CCSER1: variants seen among roughly 807,000 people sequenced by gnomAD.
CCSER1 encodes the protein serine-rich coiled-coil domain-containing protein 1.
In CCSER1, 41 loss-of-function variants were observed where a neutral mutation model predicts 82.0. The observed-to-expected ratio is 0.50, with a 90% CI of 0.39 to 0.65. CCSER1 has a LOEUF of 0.65. Among genes scored for constraint, CCSER1 ranks in the 30% least tolerant of loss-of-function variants. CCSER1 has a pLI of 0.00. For synonymous variants in CCSER1, 414 were observed against 383.9 expected (o/e 1.08, Z -0.92); for missense variants, 1,119 against 1,064.2 (o/e 1.05, Z -0.72).
chr4:90,909,753 T>G (rs1453139082), intron 8 of CCSER1, among the ~76,000 whole-genome samples: 1 of 152,180 alleles, frequency 6.6e-6, no homozygotes, highest in African/African-American at 2.4e-5. Flanking sequence ...AAGAAATGGA[T>G]TAGCCTGTCT....
At chr4:90,665,028 T>A (rs1731470464) in intron 6 of CCSER1, among the ~76,000 whole-genome samples, 1 of 152,222 alleles carries the variant, frequency 6.6e-6, no homozygotes, top group South Asian at 2.1e-4. Flanking sequence ...CATTTAATCC[T>A]GAAAAATTCA....
chr4:91,070,348 TC>T (rs1268881626), intron 9 of CCSER1, among the ~76,000 whole-genome samples: 1 of 152,202 alleles, frequency 6.6e-6, no homozygotes, highest in African/African-American at 2.4e-5. Context: ...TTCTAATCCA[TC>T]CTCTTTATTT....
At chr4:90,601,486 C>T (rs116612888) in intron 5 of CCSER1, among the ~76,000 whole-genome samples, 2,073 of 152,226 alleles carry the variant, frequency 0.014, 54 homozygotes, top group African/African-American at 0.048. Flanking sequence ...TTTGATTAAT[C>T]CTCTCTGAGA....
intron 1 of CCSER1, among the ~76,000 whole-genome samples, chr4:90,214,164 A>G (rs903318197): frequency 4.6e-5 from 7 of 152,166 alleles, no homozygotes; most frequent in African/African-American, 1.7e-4. Context: ...CAAATATGGG[A>G]GAGCTGGCCT....
At chr4:90,624,049 G>T (rs1722853602) in intron 5 of CCSER1, among the ~76,000 whole-genome samples, 2 of 152,198 alleles carry the variant, frequency 1.3e-5, no homozygotes, top group African/African-American at 2.4e-5. Flanking sequence ...ACTTAATGAA[G>T]CTTTGGAAGG....
At chr4:90,753,872 A>G (rs945342833) in intron 7 of CCSER1, among the ~76,000 whole-genome samples, 1 of 152,122 alleles carries the variant, frequency 6.6e-6, no homozygotes, top group East Asian at 1.9e-4. Flanking sequence ...GCTGGCCTTC[A>G]TGTTGTTCCT....
chr4:90,965,643 T>A (rs1734491333), intron 9 of CCSER1, among the ~76,000 whole-genome samples: 1 of 152,018 alleles, frequency 6.6e-6, no homozygotes, highest in Non-Finnish European at 1.5e-5. Context: ...AATATTTCAT[T>A]AAAAAAAGAT....
At chr4:91,163,163 T>C (rs554320913) in intron 10 of CCSER1, among the ~76,000 whole-genome samples, 1 of 152,248 alleles carries the variant, frequency 6.6e-6, no homozygotes, top group Non-Finnish European at 1.5e-5. Flanking sequence ...AAGAACATCT[T>C]TATTTCTGCC....
chr4:90,785,778 G>T (rs935081588), intron 7 of CCSER1, among the ~76,000 whole-genome samples: 3 of 151,768 alleles, frequency 2.0e-5, no homozygotes, highest in Non-Finnish European at 4.4e-5. Context: ...ACATCTTTTT[G>T]AACTGTGACT....
chr4:91,349,879 C>T (rs1748358616), intron 10 of CCSER1, among the ~76,000 whole-genome samples: 1 of 151,950 alleles, frequency 6.6e-6, no homozygotes, highest in African/African-American at 2.4e-5. Flanking sequence ...GCATTGTTTC[C>T]CATGGAGGTT....
At chr4:91,058,613 G>C (rs563970196) in intron 9 of CCSER1, among the ~76,000 whole-genome samples, 8 of 151,880 alleles carry the variant, frequency 5.3e-5, no homozygotes, top group African/African-American at 1.9e-4. Flanking sequence ...TCATCCTCAG[G>C]AGTCTTATCC....
intron 1 of CCSER1, among the ~76,000 whole-genome samples, chr4:90,168,721 A>G (rs1289848964): frequency 5.6e-4 from 85 of 151,328 alleles, no homozygotes; most frequent in African/African-American, 1.9e-3. Flanking sequence ...AGCACCATTT[A>G]TTAAATAGGG....
rs528518530 is a variant in CCSER1 at position 91,361,693 on chromosome 4, A to G, written c.2218-236879A>G. On this transcript the variant is annotated intron_variant, in intron 10 of 10. Transcript: ENST00000509176. ...AAGTAAGAGCGAAATCTATGAAGAC[A>G]CTAATTAATTTAGTTTGAAGACATG... Among the ~76,000 whole-genome samples, 83 of 151,932 alleles carry G rather than the reference A, an allele frequency of 5.5e-4. 2 individuals carry two copies. The highest frequency in any genetic ancestry group is 1.4e-3 in the African/African-American group (60 of 41,510).
intron 6 of CCSER1, among the ~76,000 whole-genome samples, chr4:90,645,132 G>C (rs1727313173): frequency 6.6e-6 from 1 of 151,016 alleles, no homozygotes; most frequent in Non-Finnish European, 1.5e-5. Flanking sequence ...TTGCGGCATA[G>C]TATTCCATTC....
At chr4:91,339,457 T>G (rs1272368734) in intron 10 of CCSER1, among the ~76,000 whole-genome samples, 1 of 151,904 alleles carries the variant, frequency 6.6e-6, no homozygotes, top group African/African-American at 2.4e-5. Flanking sequence ...TATGGGGGGG[T>G]AGGGCTGACT....
chr4:90,887,670 T>C (rs1238442128), intron 8 of CCSER1, among the ~76,000 whole-genome samples: 2 of 152,098 alleles, frequency 1.3e-5, no homozygotes, highest in Admixed American at 6.6e-5. Context: ...GATCACGAGG[T>C]CAAGAGCTCA....
intron 1 of CCSER1, among the ~76,000 whole-genome samples, chr4:90,257,530 C>CAGACAGAT (rs1723542780): frequency 1.3e-5 from 2 of 150,106 alleles, no homozygotes; most frequent in Admixed American, 6.6e-5. Flanking sequence ...CAATAGGATA[C>CAGACAGAT]AGATAGATAG....
At chr4:90,569,153 C>A (rs1244523250) in intron 5 of CCSER1, among the ~76,000 whole-genome samples, 2 of 151,638 alleles carry the variant, frequency 1.3e-5, no homozygotes, top group East Asian at 3.9e-4. Flanking sequence ...TTGTAGTTAA[C>A]ATGAGGCTTA....
intron 10 of CCSER1, among the ~76,000 whole-genome samples, chr4:91,116,232 A>G (rs553306010): frequency 1.4e-4 from 22 of 152,294 alleles, no homozygotes; most frequent in African/African-American, 5.1e-4. Flanking sequence ...ACCATGGAAT[A>G]CTATGCAGCC....
Sources: allele counts gnomAD v4.1 joint callset (sites outside exome capture counted in the v4.1 genomes callset), GRCh38; gene constraint gnomAD v4.1.1; transcripts MANE v1.5; gene names NCBI Gene and HGNC (gene_info 2026-07-23, HGNC 2026-07-21).